SUGP1: variants seen among roughly 807,000 people sequenced by gnomAD.
The protein encoded by SUGP1 is SURP and G-patch domain containing 1.
Under a neutral mutation model 76.5 loss-of-function variants are expected in SUGP1, and 34 were observed. The observed-to-expected ratio is 0.44, with a 90% confidence interval of 0.34 to 0.59. SUGP1 has a LOEUF of 0.59. Among genes scored for constraint, SUGP1 ranks in the 20% least tolerant of loss-of-function variants. The pLI is 0.01. For synonymous variants in SUGP1, 326 were observed against 326.2 expected (o/e 1.00, Z 0.01); for missense variants, 752 against 851.7 (o/e 0.88, Z 1.46).
In SUGP1 at chr19:19,297,361, G is replaced by A; in HGVS notation, c.888-17C>T. 1 of 1,506,002 alleles carries A rather than the reference G, an allele frequency of 6.6e-7. No homozygotes were observed. The highest frequency in any genetic ancestry group is 8.9e-7 in the Non-Finnish European group (1 of 1,125,494). The allele number at this position is 1,506,002 out of a possible 1,614,324, so 93.3% of individuals were successfully genotyped here. ...TACAGAAAGCTGCAAAGGAGAGTTG[G>A]GGGGTGCAGTGTCAGCTGGGCCCGA... On this transcript the variant is annotated splice_polypyrimidine_tract_variant and intron_variant, in intron 7 of 13. Transcript: ENST00000247001.
chr19:19,279,224 T>G lies in SUGP1; in HGVS notation c.1517A>C (p.Asp506Ala), dbSNP rs2061077775. Reference sequence around the variant, plus strand: ...GCTGCCCCACATACCCCTGGTCTTATCCATCTCCATGCGCCGCAGCTGGTG... The same window carrying G: ...GCTGCCCCACATACCCCTGGTCTTAGCCATCTCCATGCGCCGCAGCTGGTG... Reference protein sequence around the residue: ...WEHQLRRMEMDKTREWAEQLT... With the variant: ...WEHQLRRMEMAKTREWAEQLT... The change falls in exon 10 of 14, where the codon GAT becomes GCT. Residue 506 changes from aspartate to alanine, a missense_variant. This residue lies in a region of SUGP1 where 132 missense variants were observed against 234.4 expected (regional missense o/e 0.56). Transcript: ENST00000247001. 1 of 1,606,228 alleles carries G rather than the reference T, an allele frequency of 6.2e-7. No individual in the cohort carries two copies. Among genetic ancestry groups the G allele is most frequent in the Non-Finnish European group, 8.5e-7 (1 of 1,178,378 alleles).
At chr19:19,305,066 T>C (rs547463446) in intron 4 of SUGP1, among the ~76,000 whole-genome samples, 69 of 152,148 alleles carry the variant, frequency 4.5e-4, no homozygotes, top group African/African-American at 1.6e-3. Flanking sequence ...GGGCACCCCT[T>C]TAAGGAAAGG....
intron 8 of SUGP1, among the ~76,000 whole-genome samples, chr19:19,294,192 A>G (rs2061207181): frequency 6.8e-6 from 1 of 146,584 alleles, no homozygotes; most frequent in Non-Finnish European, 1.5e-5. Flanking sequence ...GTCTCAAAAG[A>G]AAAAAAAAAA....
intron 7 of SUGP1, among the ~76,000 whole-genome samples, chr19:19,299,825 CTT>C (rs1043712865): frequency 6.7e-6 from 1 of 149,650 alleles, no homozygotes; most frequent in Non-Finnish European, 1.5e-5. Flanking sequence ...GAGTTTCACT[CTT>C]GTTGCCCAGG....
chr19:19,314,991 G>A (rs1447868297), intron 2 of SUGP1, among the ~76,000 whole-genome samples: 1 of 151,308 alleles, frequency 6.6e-6, no homozygotes, highest in Admixed American at 6.6e-5. Flanking sequence ...CTGAGATCGT[G>A]CCACTGCACT....
chr19:19,291,888 G>GACACACAC (rs1555788743), intron 8 of SUGP1, among the ~76,000 whole-genome samples: 48 of 65,398 alleles, frequency 7.3e-4, no homozygotes, highest in South Asian at 1.1e-3. Context: ...GTGAGACTCT[G>GACACACAC]TCACACACAC....
At position 19,310,217 on chromosome 19, in the gene SUGP1, G is replaced by A; in HGVS notation, c.207-17C>T. 6.3e-7 allele frequency: 1 copy of A among 1,594,680 alleles called. No individual in the cohort carries two copies. The highest frequency in any genetic ancestry group is 8.6e-7 in the Non-Finnish European group (1 of 1,162,874). ...TTTGTGATTCTAGAACCAAGACAGA[G>A]GACAGAGAGGGTGAGCTGGCTAGAG... is the stretch of plus-strand genomic sequence containing the variant. On this transcript the variant is annotated splice_polypyrimidine_tract_variant and intron_variant, in intron 2 of 13. Transcript: ENST00000247001.
rs1035318943 is a variant in SUGP1 at position 19,276,541 on chromosome 19, A to T, written c.*107T>A. 55 of 1,392,878 alleles carry T rather than the reference A, an allele frequency of 3.9e-5. No homozygotes were observed. The highest frequency in any genetic ancestry group is 4.0e-6 in the Non-Finnish European group (4 of 991,128). The allele number at this position is 1,392,878 out of a possible 1,614,324, so 86.3% of individuals were successfully genotyped here. A position where few individuals can be genotyped will look rare whatever the true frequency, so the allele number is the denominator to read the frequency against. On this transcript the variant is annotated 3_prime_UTR_variant, in exon 14 of 14. Coordinates refer to ENST00000247001, the MANE Select transcript of SUGP1 (RefSeq NM_172231.4). The stretch of plus-strand genomic sequence containing the variant: ...TGGATGAGCACTGGGACTTTATTAC[A>T]CGGCACGGCACTCGTGACAACGGAA...
chr19:19,301,261 A>G (rs150543928), intron 7 of SUGP1, among the ~76,000 whole-genome samples: 2,955 of 152,108 alleles, frequency 0.019, 54 homozygotes, highest in Non-Finnish European at 0.028. Context: ...TCCTGGACAC[A>G]CAGGTACCAG....
In SUGP1 at chr19:19,305,245, T is replaced by C. The variant is rs1279531692; in HGVS notation, c.538+604A>G. Among the ~76,000 whole-genome samples the C allele has an allele frequency of 3.9e-5, 6 of 152,256 alleles. No homozygotes were observed. The East Asian group carries it at 1.2e-3, about 29-fold the overall frequency. The stretch of plus-strand genomic sequence containing the variant: ...CTCACCGGCTAGCCCTTCACACAGT[T>C]CAGGTGTCACAGGGACTCGTCCTGA... On this transcript the variant is annotated intron_variant, in intron 4 of 13. Transcript: ENST00000247001.
At chr19:19,283,915 T>C (rs114569378) in intron 8 of SUGP1, among the ~76,000 whole-genome samples, 110 of 152,376 alleles carry the variant, frequency 7.2e-4, no homozygotes, top group African/African-American at 2.5e-3. Flanking sequence ...ACATTAGCTG[T>C]AGTGCACACG....
chr19:19,305,855 TCTCCAGCCA>T lies in SUGP1; in HGVS notation c.523_531del (p.Trp175_Glu177del), dbSNP rs1314852128. 1 of 1,604,204 alleles carries T rather than the reference TCTCCAGCCA, an allele frequency of 6.2e-7. No individual in the cohort carries two copies. Among genetic ancestry groups the T allele is most frequent in the Middle Eastern group, 1.7e-4 (1 of 6,022 alleles). ...AGCAGCTCCCACAACTTACCTTTGA[TCTCCAGCCA>T]CTGCTCATAGTCCTCCTCCTCGTCC... On this transcript the variant is annotated inframe_deletion, in exon 4 of 14. Coordinates refer to ENST00000247001, the MANE Select transcript of SUGP1 (RefSeq NM_172231.4).
intron 2 of SUGP1, among the ~76,000 whole-genome samples, chr19:19,312,176 G>A (rs997783405): frequency 1.3e-5 from 2 of 150,476 alleles, no homozygotes; most frequent in South Asian, 2.1e-4. Context: ...GAAGTGGGCC[G>A]CAATCATGCC....
intron 7 of SUGP1, among the ~76,000 whole-genome samples, chr19:19,301,428 A>G (rs1214257025): frequency 6.6e-6 from 1 of 152,030 alleles, no homozygotes; most frequent in East Asian, 1.9e-4. Flanking sequence ...TGGCCTGGCC[A>G]TGTCTGCCCA....
intron 11 of SUGP1, among the ~76,000 whole-genome samples, chr19:19,278,410 G>GA (rs2146588821): frequency 6.6e-6 from 1 of 152,330 alleles, no homozygotes; most frequent in East Asian, 1.9e-4. Context: ...TTCTGCCGGA[G>GA]AAACACTTTG....
At chr19:19,289,875 C>G (rs1167880311) in intron 8 of SUGP1, among the ~76,000 whole-genome samples, 1 of 152,182 alleles carries the variant, frequency 6.6e-6, no homozygotes, top group Non-Finnish European at 1.5e-5. Context: ...GGAAGCTCCA[C>G]GCCCCTTCCC....
chr19:19,279,755 C>G (rs2061083182), intron 9 of SUGP1, among the ~76,000 whole-genome samples: 1 of 152,214 alleles, frequency 6.6e-6, no homozygotes, highest in South Asian at 2.1e-4. Flanking sequence ...CGACACTGCC[C>G]AACTACAACT....
In SUGP1 at chr19:19,276,694, T is replaced by C. The variant is rs769623343; in HGVS notation, c.1912-20A>G. 1 of 1,614,052 alleles carries C rather than the reference T, an allele frequency of 6.2e-7. No homozygotes were observed. Among genetic ancestry groups the C allele is most frequent in the East Asian group, 2.2e-5 (1 of 44,884 alleles). On this transcript the variant is annotated intron_variant, in intron 13 of 13. Coordinates refer to ENST00000247001, the MANE Select transcript of SUGP1 (RefSeq NM_172231.4). Reference sequence around the variant, plus strand: ...ATTGTTCTGTGGAAGGCAAAACAGATAACAGGAGGAGGGGATTAGCACTAA... The same window carrying C: ...ATTGTTCTGTGGAAGGCAAAACAGACAACAGGAGGAGGGGATTAGCACTAA...
intron 6 of SUGP1, 100 bp from the exon 7 acceptor site, chr19:19,302,488 T>G: frequency 6.6e-7 from 1 of 1,506,142 alleles, no homozygotes; most frequent in Non-Finnish European, 9.0e-7. Context: ...GTTTTAGGAA[T>G]GATGCAAAGA....
Sources: allele counts gnomAD v4.1 joint callset (sites outside exome capture counted in the v4.1 genomes callset), GRCh38; gene constraint gnomAD v4.1.1; regional missense constraint gnomAD v4.1.1; transcripts MANE v1.5; gene names NCBI Gene and HGNC (gene_info 2026-07-23, HGNC 2026-07-21).